ADAMTS16: variants seen among roughly 807,000 people sequenced by gnomAD.
ADAMTS16 encodes the protein A disintegrin and metalloproteinase with thrombospondin motifs 16.
A neutral mutation model predicts 145.8 loss-of-function variants in ADAMTS16; 94 were observed. That is an observed-to-expected ratio of 0.64 (90% CI 0.55 to 0.77). ADAMTS16 has a LOEUF of 0.77. ADAMTS16 is among the 30% of genes least tolerant of loss of function. The pLI is 0.00. For synonymous variants in ADAMTS16, 659 were observed against 604.3 expected (o/e 1.09, Z -1.33); for missense variants, 1,585 against 1,591.5 (o/e 1.00, Z 0.07).
intron 10 of ADAMTS16, among the ~76,000 whole-genome samples, chr5:5,209,482 ATCTT>A (rs1215750957): frequency 2.0e-5 from 3 of 152,108 alleles, no homozygotes; most frequent in African/African-American, 7.2e-5. Context: ...GTTAGGTTGG[ATCTT>A]TCTTTCTGAT....
chr5:5,304,794 G>C (rs1468916390), intron 20 of ADAMTS16, among the ~76,000 whole-genome samples: 1 of 152,034 alleles, frequency 6.6e-6, no homozygotes, highest in East Asian at 1.9e-4. Context: ...GTAGGAATGA[G>C]TGTCCCACAG....
At chr5:5,190,220 T>G (rs1258907349) in intron 7 of ADAMTS16, 90 bp downstream of exon 7, 1 of 1,400,298 alleles carries the variant, frequency 7.1e-7, no homozygotes, top group East Asian at 2.5e-5. Flanking sequence ...CCTTGTTCCT[T>G]GTTAATAAGC....
chr5:5,251,304 A>C (rs1219238787), intron 17 of ADAMTS16, among the ~76,000 whole-genome samples: 1 of 152,118 alleles, frequency 6.6e-6, no homozygotes, highest in African/African-American at 2.4e-5. Flanking sequence ...TGTATCCTTC[A>C]TTTGCAGAGA....
At chr5:5,260,434 T>C (rs756594517) in intron 17 of ADAMTS16, among the ~76,000 whole-genome samples, 1 of 152,228 alleles carries the variant, frequency 6.6e-6, no homozygotes, top group Non-Finnish European at 1.5e-5. Flanking sequence ...TGATCAGAGA[T>C]CACTAAAATC....
chr5:5,145,862 A>G (rs1734278463), intron 2 of ADAMTS16, among the ~76,000 whole-genome samples: 2 of 152,278 alleles, frequency 1.3e-5, no homozygotes, highest in African/African-American at 4.8e-5. Context: ...AGGGCAGATG[A>G]CAGCTGTTAA....
chr5:5,232,265 A>G (rs1462712589), intron 11 of ADAMTS16, 103 bp from the exon 12 acceptor site: 1 of 1,351,146 alleles, frequency 7.4e-7, no homozygotes, highest in East Asian at 2.3e-5. Flanking sequence ...ATGTCTGCAT[A>G]GTTTACAAAA....
At chr5:5,181,982 C>G (rs774980143) in intron 3 of ADAMTS16, 62 bp from the exon 4 acceptor site, 2 of 1,507,830 alleles carry the variant, frequency 1.3e-6, no homozygotes, top group Non-Finnish European at 1.8e-6. Context: ...CTTGGAGAAT[C>G]GGCCCTGGCT....
Position 5,140,653 on chromosome 5 carries a change from G to A in ADAMTS16, c.73-11G>A, listed in dbSNP as rs1472031119. Reference sequence around the variant, plus strand: ...GCCGTCTCACCGCGATGTCGCCGCTGTTTTCCGCAGGCACCTGCGTGCGCC... The same window carrying A: ...GCCGTCTCACCGCGATGTCGCCGCTATTTTCCGCAGGCACCTGCGTGCGCC... On this transcript the variant is annotated splice_polypyrimidine_tract_variant and intron_variant, in intron 1 of 22. Coordinates refer to ENST00000274181, the MANE Select transcript of ADAMTS16 (RefSeq NM_139056.4). 1.9e-6 allele frequency: 3 copies of A among 1,542,570 alleles called. No individual in the cohort carries two copies. Among genetic ancestry groups the A allele is most frequent in the East Asian group, 2.4e-5 (1 of 41,580 alleles).
At chr5:5,223,109 G>C (rs181775614) in intron 11 of ADAMTS16, 1 of 541,224 alleles carries the variant, frequency 1.8e-6, no homozygotes, top group Non-Finnish European at 3.3e-6. Context: ...GGAATTCATA[G>C]ACATAGAAAT....
chr5:5,279,973 T>TTTTTTCTTTCCTTTTGTTCTTTC (rs1738841861), intron 18 of ADAMTS16, among the ~76,000 whole-genome samples: 2 of 93,590 alleles, frequency 2.1e-5, no homozygotes, highest in African/African-American at 3.5e-5. Context: ...TCCTTCTTTC[T>TTTTTTCTTTCCTTTTGTTCTTTC]TTTTTTCTTT....
chr5:5,304,963 CCA>C (rs139164157), intron 20 of ADAMTS16, among the ~76,000 whole-genome samples: 39,353 of 130,676 alleles, frequency 0.3, 6,634 homozygotes, highest in African/African-American at 0.37. Flanking sequence ...ACATCCCACA[CCA>C]CACACACACA....
intron 18 of ADAMTS16, among the ~76,000 whole-genome samples, chr5:5,274,071 T>C (rs903108063): frequency 3.3e-5 from 5 of 152,188 alleles, no homozygotes; most frequent in Non-Finnish European, 7.3e-5. Context: ...TTTTGCTTCA[T>C]TTCATGGCAA....
At chr5:5,278,294 C>A (rs1738776633) in intron 18 of ADAMTS16, among the ~76,000 whole-genome samples, 1 of 152,140 alleles carries the variant, frequency 6.6e-6, no homozygotes, top group African/African-American at 2.4e-5. Context: ...TGCATGATAG[C>A]CGGTTTCTAT....
At chr5:5,166,755 C>G (rs1481874215) in intron 3 of ADAMTS16, among the ~76,000 whole-genome samples, 1 of 152,172 alleles carries the variant, frequency 6.6e-6, no homozygotes, top group African/African-American at 2.4e-5. Context: ...AGATAATTTC[C>G]AAGACAGTGT....
intron 20 of ADAMTS16, among the ~76,000 whole-genome samples, chr5:5,305,194 AAC>A (rs1561000591): frequency 2.6e-5 from 1 of 38,034 alleles, no homozygotes; most frequent in African/African-American, 1.1e-4. Context: ...TCCCACACCA[AAC>A]ACACACACAT....
chr5:5,186,317 T>A, intron 5 of ADAMTS16, 66 bp downstream of exon 5: 1 of 1,342,682 alleles, frequency 7.4e-7, no homozygotes, highest in South Asian at 1.2e-5. Context: ...TGTGTGTGTG[T>A]GTGTGTGTGT....
At chr5:5,190,217 C>T in intron 7 of ADAMTS16, 87 bp downstream of exon 7, 2 of 1,411,802 alleles carry the variant, frequency 1.4e-6, no homozygotes, top group Non-Finnish European at 1.9e-6. Flanking sequence ...TGCCCTTGTT[C>T]CTTGTTAATA....
intron 4 of ADAMTS16, among the ~76,000 whole-genome samples, chr5:5,183,261 T>G (rs1052567867): frequency 2.0e-5 from 3 of 152,146 alleles, no homozygotes; most frequent in African/African-American, 7.2e-5. Flanking sequence ...AGAACCATGC[T>G]GAGAACAAAC....
intron 18 of ADAMTS16, among the ~76,000 whole-genome samples, chr5:5,265,749 C>T (rs983103100): frequency 2.6e-5 from 4 of 152,204 alleles, no homozygotes; most frequent in African/African-American, 9.6e-5. Context: ...CTCACACCCC[C>T]TGCTCCCCGG....
Sources: allele counts gnomAD v4.1 joint callset (sites outside exome capture counted in the v4.1 genomes callset), GRCh38; gene constraint gnomAD v4.1.1; transcripts MANE v1.5; gene names NCBI Gene and HGNC (gene_info 2026-07-23, HGNC 2026-07-21).